Variants in FAM13A observed in about 807,000 individuals in gnomAD.
FAM13A encodes the protein family with sequence similarity 13 member A.
A neutral mutation model predicts 129.6 loss-of-function variants in FAM13A; 76 were observed. That is an observed-to-expected ratio of 0.59 (90% confidence interval 0.49 to 0.71). FAM13A has a LOEUF of 0.71. FAM13A is among the 30% of genes least tolerant of loss of function. The pLI is 0.00. For missense variants in FAM13A, 1,108 were observed against 1,249.3 expected (o/e 0.89, Z 1.70); for synonymous variants, 443 against 449.9 (o/e 0.98, Z 0.20).
chr4:88,919,820 C>T (rs1471292262), intron 5 of FAM13A, among the ~76,000 whole-genome samples: 1 of 152,216 alleles, frequency 6.6e-6, no homozygotes, highest in East Asian at 1.9e-4. Context: ...CAGATGGCAC[C>T]TGGAAAATCG....
At chr4:89,032,086 T>A (rs1386792561) in intron 1 of FAM13A, among the ~76,000 whole-genome samples, 8 of 151,062 alleles carry the variant, frequency 5.3e-5, no homozygotes, top group African/African-American at 1.7e-4. Flanking sequence ...TAAAATAAAT[T>A]AAAAAAAATT....
chr4:88,735,523 C>T (rs892970613), intron 21 of FAM13A, among the ~76,000 whole-genome samples: 10 of 152,078 alleles, frequency 6.6e-5, no homozygotes, highest in Admixed American at 5.9e-4. Context: ...ATTAGATGAT[C>T]TCTAGGTTTC....
In FAM13A at chr4:88,922,503, C is replaced by G. The variant is rs1382629004; in HGVS notation, c.759+15585G>C. Among the ~76,000 whole-genome samples, 15 of 151,612 alleles carry G rather than the reference C, an allele frequency of 9.9e-5. No individual in the cohort carries two copies. The South Asian group carries it at 3.1e-3, about 32-fold the overall frequency. Reference sequence around the variant, plus strand: ...AAATAAAGATGTTCTTTGAAACCAACGAGAACAAAGACACAACATACCAGA... The same window carrying G: ...AAATAAAGATGTTCTTTGAAACCAAGGAGAACAAAGACACAACATACCAGA... On this transcript the variant is annotated intron_variant, in intron 5 of 23. Coordinates refer to ENST00000264344, the MANE Select transcript of FAM13A (RefSeq NM_014883.4).
intron 5 of FAM13A, among the ~76,000 whole-genome samples, chr4:88,907,144 C>A (rs1312119418): frequency 6.6e-6 from 1 of 152,140 alleles, no homozygotes; most frequent in Non-Finnish European, 1.5e-5. Context: ...TTTGTTGTTT[C>A]AATAATGCAG....
chr4:88,728,657 T>C lies in FAM13A; in HGVS notation c.2948A>G (p.Asn983Ser), dbSNP rs757857060. 3.7e-6 allele frequency: 6 copies of C among 1,614,060 alleles called. No individual in the cohort carries two copies. Among genetic ancestry groups the C allele is most frequent in the South Asian group, 3.3e-5 (3 of 91,090 alleles). The change falls in exon 24 of 24, where the codon AAT (asparagine) becomes AGT (serine). Residue 983 changes from asparagine (N) to serine (S), a missense_variant and splice_region_variant. Physicochemically the swap from Asn to Ser is conservative, Grantham distance 46. Around this residue, in one of 3 missense-constraint regions of FAM13A, gnomAD observed 529 missense variants for 621.2 expected, o/e 0.85. Transcript: ENST00000264344. ...EDNFFRQNGR[N>S]VQKEDRTPMA... is the part of the protein sequence containing the mutation. ...AGGAGTGCGGTCTTCCTTCTGGACA[T>C]TTCTAATGCAAATAAAGGAAAAAGG...
intron 7 of FAM13A, among the ~76,000 whole-genome samples, chr4:88,814,648 A>T (rs1208653996): frequency 6.6e-6 from 1 of 152,168 alleles, no homozygotes; most frequent in African/African-American, 2.4e-5. Flanking sequence ...TAGTTTCAAG[A>T]GTTATTTTAA....
intron 5 of FAM13A, among the ~76,000 whole-genome samples, chr4:88,912,568 T>TACAC (rs71594867): frequency 1.5e-3 from 217 of 146,190 alleles, no homozygotes; most frequent in South Asian, 4.1e-3. Context: ...CACACATACA[T>TACAC]ACACACACAC....
chr4:88,731,751 ACAGAAC>A, intron 22 of FAM13A: 1 of 526,000 alleles, frequency 1.9e-6, no homozygotes, highest in East Asian at 3.1e-5. Context: ...GCTGTGATGT[ACAGAAC>A]CACACGATGC....
chr4:88,881,223 C>T (rs1743510627), intron 6 of FAM13A, among the ~76,000 whole-genome samples: 1 of 152,214 alleles, frequency 6.6e-6, no homozygotes, highest in South Asian at 2.1e-4. Flanking sequence ...ACAGAGCTCA[C>T]TTCACTCTCC....
chr4:89,042,485 C>T (rs892875443), intron 1 of FAM13A, among the ~76,000 whole-genome samples: 1 of 152,030 alleles, frequency 6.6e-6, no homozygotes, highest in South Asian at 2.1e-4. Context: ...CAAAGCAGTT[C>T]GTAGATATCT....
rs534065269 is a variant in FAM13A, at chr4:88,913,523, GGAGGAAGAA to G, written c.760-7070_760-7062del. On this transcript the variant is annotated intron_variant, in intron 5 of 23. Coordinates refer to ENST00000264344, the MANE Select transcript of FAM13A (RefSeq NM_014883.4). ...AAGAGGAAGAGGAAGAAGAGGAGGA[GGAGGAAGAA>G]GAGGAAGAAGAGGAGGAAGAGGAGG... Among the ~76,000 whole-genome samples the G allele has an allele frequency of 2.8e-4, 39 of 140,370 alleles. No homozygotes were observed. The South Asian group carries it at 4.6e-3, about 17-fold the overall frequency. 92.1% of individuals were successfully genotyped at this position (140,370 alleles called of 152,430 possible).
At chr4:89,020,394 G>A (rs1260884055) in intron 3 of FAM13A, 66 bp downstream of exon 3, 6 of 1,174,160 alleles carry the variant, frequency 5.1e-6, no homozygotes, top group Admixed American at 1.9e-5. Flanking sequence ...TGGGATTATA[G>A]GTGTGGGCCA....
rs1737472656 is a variant in FAM13A at position 88,851,026 on chromosome 4, A to G, written c.1001T>C (p.Val334Ala). 1.2e-6 allele frequency: 2 copies of G among 1,613,658 alleles called. No homozygotes were observed. The highest frequency in any genetic ancestry group is 3.3e-5 in the Admixed American group (2 of 59,992). The change falls in exon 7 of 24, where the codon GTA becomes GCA. Residue 334 changes from valine to alanine, a missense_variant. Around this residue, in one of 3 missense-constraint regions of FAM13A, gnomAD observed 566 missense variants for 595.7 expected, o/e 0.95. Transcript: ENST00000264344. ...ATAAAGAAAACATGCCAACCTGGGT[A>G]CCAACTTGGCACTAATAGCACCCTC... ...SAEGAISAKL[V>A]PSSQEDERPL... is the part of the protein sequence containing the mutation.
Position 88,732,166 on chromosome 4 carries a change from A to G in FAM13A, c.2679T>C (p.Asn893=), listed in dbSNP as rs764538794. 6.8e-6 allele frequency: 11 copies of G among 1,612,896 alleles called. No individual in the cohort carries two copies. The highest frequency in any genetic ancestry group is 2.2e-5 in the East Asian group (1 of 44,818). The part of the protein sequence containing the change: ...EEEEGSEDDS[N]VKPDFMVTLK... ...GAGTGACCATGAAGTCTGGCTTCAC[A>G]TTGCTATCGTCTTCTGACCCCTCCT... Residue 893 remains asparagine, a synonymous_variant, in exon 22 of 24, where the codon AAT becomes AAC. Coordinates refer to ENST00000264344, the MANE Select transcript of FAM13A (RefSeq NM_014883.4).
chr4:88,746,028 G>C (rs1262757859), intron 19 of FAM13A, among the ~76,000 whole-genome samples: 1 of 152,104 alleles, frequency 6.6e-6, no homozygotes, highest in African/African-American at 2.4e-5. Flanking sequence ...CCACACCTTA[G>C]AGTCTAGTGA....
chr4:89,022,333 A>C (rs1000530990), intron 2 of FAM13A, among the ~76,000 whole-genome samples: 3 of 152,204 alleles, frequency 2.0e-5, no homozygotes, highest in Non-Finnish European at 2.9e-5. Context: ...TGAGAAAAAA[A>C]ATTCAACACT....
At chr4:89,043,353 C>T (rs1770412954) in intron 1 of FAM13A, among the ~76,000 whole-genome samples, 1 of 152,138 alleles carries the variant, frequency 6.6e-6, no homozygotes, top group African/African-American at 2.4e-5. Context: ...TCTCTTGACC[C>T]AGGCCAGCTT....
intron 11 of FAM13A, among the ~76,000 whole-genome samples, chr4:88,776,222 A>G (rs1721678609): frequency 6.6e-6 from 1 of 152,352 alleles, no homozygotes; most frequent in South Asian, 2.1e-4. Context: ...TTTTAGCTAT[A>G]TATCCTTTTA....
chr4:88,742,739 A>C (rs1392342614), intron 19 of FAM13A, among the ~76,000 whole-genome samples: 1 of 152,278 alleles, frequency 6.6e-6, no homozygotes, highest in Non-Finnish European at 1.5e-5. Flanking sequence ...ACCACAGGAA[A>C]ACCGTTTGAG....
Sources: gnomAD v4.1 joint callset for allele counts (sites outside exome capture counted in the v4.1 genomes callset) on GRCh38, gnomAD v4.1.1 for gene constraint, gnomAD v4.1.1 regional missense constraint, MANE v1.5 for transcripts, NCBI Gene and HGNC (gene_info 2026-07-23, HGNC 2026-07-21) for gene names.